Variants in SLC26A6 observed in about 807,000 individuals in gnomAD.
SLC26A6 encodes the protein solute carrier family 26 member 6, also known as anion exchange transporter.
Under a neutral mutation model 87.1 loss-of-function variants are expected in SLC26A6, and 67 were observed. The ratio of observed to expected loss-of-function variants is 0.77; its 90% CI spans 0.63 to 0.94. The LOEUF is 0.94. SLC26A6 is among the 40% of genes least tolerant of loss of function. The pLI is 0.00. For synonymous variants in SLC26A6, 414 were observed against 405.9 expected (o/e 1.02, Z -0.24); for missense variants, 902 against 973.0 (o/e 0.93, Z 0.97).
At position 48,629,062 on chromosome 3, in the gene SLC26A6, C is replaced by T. The variant is rs898347161; in HGVS notation, c.1600-348G>A. Among the ~76,000 whole-genome samples the T allele has an allele frequency of 7.9e-5, 12 of 152,330 alleles. No homozygotes were observed. The South Asian group carries it at 2.5e-3, about 32-fold the overall frequency. On this transcript the variant is annotated intron_variant, in intron 14 of 20. Transcript: ENST00000395550. ...ATCAATCAGACCTTCCCCGCTCCCA[C>T]CCCATTCGGGTCACAGCCCGGGTCT...
intron 14 of SLC26A6, 45 bp downstream of exon 14, chr3:48,629,597 T>TC: frequency 6.4e-7 from 1 of 1,550,932 alleles, no homozygotes; most frequent in South Asian, 1.2e-5. Context: ...TCATTCTTCC[T>TC]CCGTCTCCCC....
chr3:48,632,436 C>T, intron 4 of SLC26A6, 40 bp from the exon 5 acceptor site: 1 of 1,585,732 alleles, frequency 6.3e-7, no homozygotes, highest in Non-Finnish European at 8.6e-7. Flanking sequence ...GAGGAGAGGA[C>T]ACTGCCCTGC....
At position 48,631,720 on chromosome 3, in the gene SLC26A6, C is replaced by G; in HGVS notation, c.832G>C (p.Val278Leu). ...VTAAVAGVVLVVVKLLNDKLQ... is the reference protein window; with the variant it reads ...VTAAVAGVVLLVVKLLNDKLQ... Reference sequence around the variant, plus strand: ...TTGTCATTCAACAGCTTCACCACCACGAGCACCACCCCAGCCACAGCTGCA... The same window carrying G: ...TTGTCATTCAACAGCTTCACCACCAGGAGCACCACCCCAGCCACAGCTGCA... Residue 278 changes from valine to leucine, a missense_variant, in exon 7 of 21, where the codon GTG becomes CTG. By Grantham distance (32) the Val-to-Leu change is conservative (BLOSUM62 1). Transcript: ENST00000395550. 6.2e-7 allele frequency: 1 copy of G among 1,613,310 alleles called. No homozygotes were observed.
In SLC26A6 at chr3:48,629,678, G is replaced by T. The variant is rs746406250; in HGVS notation, c.1563C>A (p.Asp521Glu). The T allele has an allele frequency of 5.0e-6, 8 of 1,613,512 alleles. No homozygotes were observed. The African/African-American group carries it at 1.1e-4, about 22-fold the overall frequency. ...CTGCCACATCTCTGTAAATATCCGT[G>T]TCTGGCACCTGCCCCAGGACAGAGT... ...PHYSVLGQVP[D>E]TDIYRDVAEY... The change falls in exon 14 of 21, where the codon GAC (aspartate) becomes GAA (glutamate). Residue 521 changes from aspartate (D) to glutamate (E), a missense_variant. Around this residue, in one of 3 missense-constraint regions of SLC26A6, gnomAD observed 800 missense variants for 856.8 expected, o/e 0.93. Transcript: ENST00000395550.
chr3:48,633,961 T>TC, intron 1 of SLC26A6: 1 of 934,090 alleles, frequency 1.1e-6, no homozygotes. Flanking sequence ...GGCTGCTCCC[T>TC]CCCCCACCCA....
intron 17 of SLC26A6, 130 bp from the exon 18 acceptor site, chr3:48,627,185 C>A (rs779733926): frequency 7.2e-6 from 8 of 1,110,706 alleles, no homozygotes; most frequent in Non-Finnish European, 2.6e-6. Context: ...CACAAACATG[C>A]GGGAGTCACA....
At position 48,625,813 on chromosome 3, in the gene SLC26A6, C is replaced by T. The variant is rs1296365937; in HGVS notation, c.*173G>A. Reference sequence around the variant, plus strand: ...CTGCCAGCCTGACTGCATGCAGGCCCTGTCCCAGACCTGGAGCGCTGAACT... The same window carrying T: ...CTGCCAGCCTGACTGCATGCAGGCCTTGTCCCAGACCTGGAGCGCTGAACT... On this transcript the variant is annotated 3_prime_UTR_variant, in exon 21 of 21. Transcript: ENST00000395550. The surrounding 1 kb of genome is among the most constrained non-coding windows in gnomAD (Gnocchi z 4.7). 5 of 758,640 alleles carry T rather than the reference C, an allele frequency of 6.6e-6. No homozygotes were observed. The highest frequency in any genetic ancestry group is 1.1e-5 in the Non-Finnish European group (5 of 462,720). 47.0% of individuals were successfully genotyped at this position (758,640 alleles called of 1,614,324 possible). A position where few individuals can be genotyped will look rare whatever the true frequency, so the allele number is the denominator to read the frequency against.
chr3:48,630,288 T>C (rs1685816634), intron 11 of SLC26A6, 131 bp from the exon 12 acceptor site: 1 of 1,308,722 alleles, frequency 7.6e-7, no homozygotes, highest in East Asian at 2.5e-5. Flanking sequence ...ACCCAGCCCC[T>C]GACCCTTGTC....
rs2046669212 is a variant in SLC26A6 at position 48,627,865 on chromosome 3, C to G, written c.1893+81G>C. On this transcript the variant is annotated intron_variant, in intron 17 of 20. Coordinates refer to ENST00000395550, the MANE Select transcript of SLC26A6 (RefSeq NM_022911.3). ...CCCTCGAGCCCACAGCTGCTGGGTCCATGGCATTCCTCATGAGACATGTGG... is the reference window on the plus strand; with the variant it reads ...CCCTCGAGCCCACAGCTGCTGGGTCGATGGCATTCCTCATGAGACATGTGG... 2.2e-6 allele frequency: 3 copies of G among 1,364,306 alleles called. No homozygotes were observed. In the East Asian group the frequency reaches 7.8e-5, roughly 35 times the overall value. The allele number at this position is 1,364,306 out of a possible 1,614,324, so 84.5% of individuals were successfully genotyped here.
intron 17 of SLC26A6, 196 bp downstream of exon 17, chr3:48,627,750 G>A: frequency 4.0e-6 from 2 of 498,026 alleles, no homozygotes; most frequent in Non-Finnish European, 7.0e-6. Context: ...CTAGGCCTGA[G>A]AATCTAAGCC....
At position 48,629,533 on chromosome 3, in the gene SLC26A6, A is replaced by T. The variant is rs2046720370; in HGVS notation, c.1599+109T>A. 3.4e-5 allele frequency: 43 copies of T among 1,252,004 alleles called. No homozygotes were observed. In the South Asian group the frequency reaches 5.0e-4, roughly 15 times the overall value. The allele number at this position is 1,252,004 out of a possible 1,614,324, so 77.6% of individuals were successfully genotyped here. ...CTTGAAATCCCAAAGACCAAAGCCA[A>T]AGTATCCTCAGCCCCCAGTTCCCTG... On this transcript the variant is annotated intron_variant, in intron 14 of 20. Transcript: ENST00000395550.
chr3:48,632,232 G>A lies in SLC26A6; in HGVS notation c.585+13C>T, dbSNP rs1001785814. 2 of 1,585,980 alleles carry A rather than the reference G, an allele frequency of 1.3e-6. No homozygotes were observed. The highest frequency in any genetic ancestry group is 1.7e-6 in the Non-Finnish European group (2 of 1,165,402). On this transcript the variant is annotated intron_variant, in intron 5 of 20. Transcript: ENST00000395550. ...GTGGTGGTGGGGGGCACATACTCCT[G>A]ACTGTTCCACACCTGGAAGAGGCCA...
chr3:48,633,285 G>A lies in SLC26A6; in HGVS notation c.288C>T (p.Ser96=), dbSNP rs370449139. 5.3e-5 allele frequency: 85 copies of A among 1,613,352 alleles called. No homozygotes were observed. The highest frequency in any genetic ancestry group is 5.2e-4 in the South Asian group (47 of 91,066). The part of the protein sequence containing the change: ...VRDWLLGDLL[S]GLSVAIMQLP... ...GCTGCATGATGGCCACACTCAGGCC[G>A]GATAACAGGTCACCCAGGAGCCAGT... The change falls in exon 3 of 21, where the codon TCC becomes TCT. Residue 96 remains serine, a synonymous_variant. Coordinates refer to ENST00000395550, the MANE Select transcript of SLC26A6 (RefSeq NM_022911.3).
In SLC26A6 at chr3:48,630,612, A is replaced by G. The variant is rs1402929200; in HGVS notation, c.1243T>C (p.Ser415Pro). 1 of 1,578,714 alleles carries G rather than the reference A, an allele frequency of 6.3e-7. No homozygotes were observed. The highest frequency in any genetic ancestry group is 1.2e-5 in the South Asian group (1 of 86,840). The change falls in exon 10 of 21, where the codon TCG (serine) becomes CCG (proline). Residue 415 changes from serine (S) to proline (P), a missense_variant. Ser to Pro is a moderately conservative substitution (Grantham distance 74). Coordinates refer to ENST00000395550, the MANE Select transcript of SLC26A6 (RefSeq NM_022911.3). ...TGCCCACACCCAAAGCCCACCTGCG[A>G]GTTGCCCCCGGTGCTCTCCTGTACC... ...SLVQESTGGNSQVAGAISSLF... is the reference protein window; with the variant it reads ...SLVQESTGGNPQVAGAISSLF...
At chr3:48,626,413 G>A in intron 19 of SLC26A6, 59 bp from the exon 20 acceptor site, 1 of 1,610,212 alleles carries the variant, frequency 6.2e-7, no homozygotes, top group Non-Finnish European at 8.5e-7. Flanking sequence ...TCAACTCCCG[G>A]GAGCCAACAG....
intron 4 of SLC26A6, 133 bp from the exon 5 acceptor site, chr3:48,632,529 G>C: frequency 7.7e-7 from 1 of 1,295,044 alleles, no homozygotes; most frequent in Non-Finnish European, 1.1e-6. Context: ...CATGAACAGG[G>C]ACAGTGCTGG....
chr3:48,629,415 C>T (rs560347699), intron 14 of SLC26A6, among the ~76,000 whole-genome samples: 5 of 152,302 alleles, frequency 3.3e-5, no homozygotes, highest in East Asian at 1.9e-4. Context: ...GTTGACTCCA[C>T]GACAGACCCC....
At position 48,632,994 on chromosome 3, in the gene SLC26A6, G is replaced by A; in HGVS notation, c.413C>T (p.Thr138Ile). The A allele has an allele frequency of 6.2e-7, 1 of 1,613,526 alleles. No homozygotes were observed. Among genetic ancestry groups the A allele is most frequent in the Non-Finnish European group, 8.5e-7 (1 of 1,179,904 alleles). ...CTTACCCACGGAGATGTGCCGGGAAGTGCCAAACAGGAAGTAGATGAAGAC... is the reference window on the plus strand; with the variant it reads ...CTTACCCACGGAGATGTGCCGGGAAATGCCAAACAGGAAGTAGATGAAGAC... ...YPVFIYFLFGTSRHISVGTFA... is the reference protein window; with the variant it reads ...YPVFIYFLFGISRHISVGTFA... The change falls in exon 4 of 21, where the codon ACT becomes ATT. Residue 138 changes from threonine to isoleucine, a missense_variant. Physicochemically the swap from Thr to Ile is moderately conservative, Grantham distance 89. This residue lies in a region of SLC26A6 where 800 missense variants were observed against 856.8 expected (regional missense o/e 0.93). Transcript: ENST00000395550.
rs749593334 is a variant in SLC26A6 at position 48,632,703 on chromosome 3, G to C, written c.433+271C>G. ...AGGGAAGGGGTCAGGGCTGGCCTTAGGCTGCTCAGGCCTCTGCCAAGTTCC... is the reference window on the plus strand; with the variant it reads ...AGGGAAGGGGTCAGGGCTGGCCTTACGCTGCTCAGGCCTCTGCCAAGTTCC... On this transcript the variant is annotated intron_variant, in intron 4 of 20. Transcript: ENST00000395550. 1.2e-5 allele frequency: 8 copies of C among 685,282 alleles called. No individual in the cohort carries two copies. The South Asian group carries it at 1.2e-4, about 10-fold the overall frequency. The allele number at this position is 685,282 out of a possible 1,614,324, so 42.5% of individuals were successfully genotyped here. A position where few individuals can be genotyped will look rare whatever the true frequency, so the allele number is the denominator to read the frequency against.
Sources: gnomAD v4.1 joint callset for allele counts (sites outside exome capture counted in the v4.1 genomes callset) on GRCh38, gnomAD v4.1.1 for gene constraint, gnomAD v4.1.1 regional missense constraint, Gnocchi (gnomAD v3.1) non-coding constraint, MANE v1.5 for transcripts, NCBI Gene and HGNC (gene_info 2026-07-23, HGNC 2026-07-21) for gene names.